ARID4B: variants seen among roughly 807,000 people sequenced by gnomAD.
ARID4B encodes AT-rich interactive domain-containing protein 4B.
ARID4B carries 26 observed loss-of-function variants against 147.5 expected under a neutral mutation model. The ratio of observed to expected loss-of-function variants is 0.18; its 90% CI spans 0.13 to 0.24. The LOEUF is 0.24. Among genes scored for constraint, ARID4B ranks in the 10% least tolerant of loss-of-function variants. The pLI is 1.00. For synonymous variants in ARID4B, 512 were observed against 507.9 expected (o/e 1.01, Z -0.11); for missense variants, 1,179 against 1,511.5 (o/e 0.78, Z 3.65).
chr1:235,232,868 G>A (rs1479119344), intron 9 of ARID4B, among the ~76,000 whole-genome samples: 1 of 151,516 alleles, frequency 6.6e-6, no homozygotes, highest in Non-Finnish European at 1.5e-5. Flanking sequence ...ATGGAATCTT[G>A]TTGTTGTCAC....
chr1:235,195,343 G>A (rs542583007), intron 18 of ARID4B, among the ~76,000 whole-genome samples: 9 of 152,082 alleles, frequency 5.9e-5, no homozygotes, highest in East Asian at 1.9e-4. Context: ...CTATAATCCC[G>A]GCATTTTGGG....
chr1:235,250,178 C>G (rs1036778965), intron 6 of ARID4B, among the ~76,000 whole-genome samples: 2 of 151,936 alleles, frequency 1.3e-5, no homozygotes, highest in Non-Finnish European at 2.9e-5. Flanking sequence ...TGATCTCTTT[C>G]CATGAAAATC....
At chr1:235,290,694 C>A (rs1277980993) in intron 2 of ARID4B, among the ~76,000 whole-genome samples, 5 of 152,206 alleles carry the variant, frequency 3.3e-5, no homozygotes, top group Admixed American at 2.6e-4. Context: ...TTGTTTGCAG[C>A]TGGACATGGG....
At chr1:235,170,849 T>G (rs1313478790) in intron 23 of ARID4B, among the ~76,000 whole-genome samples, 2 of 148,720 alleles carry the variant, frequency 1.3e-5, no homozygotes, top group Non-Finnish European at 3.0e-5. Context: ...AAGGCAGAGG[T>G]TGCAGTGAGC....
At chr1:235,305,362 G>A (rs946933668) in intron 2 of ARID4B, among the ~76,000 whole-genome samples, 10 of 152,092 alleles carry the variant, frequency 6.6e-5, no homozygotes, top group African/African-American at 1.7e-4. Context: ...CCTCCCTCTC[G>A]ATACACACAT....
chr1:235,196,903 C>A (rs1017778635), intron 17 of ARID4B, among the ~76,000 whole-genome samples: 1 of 133,370 alleles, frequency 7.5e-6, no homozygotes, highest in Non-Finnish European at 1.6e-5. Context: ...CATATTGTAA[C>A]GTATGGATAA....
intron 19 of ARID4B, among the ~76,000 whole-genome samples, chr1:235,188,005 AAGT>A (rs1374052480): frequency 6.6e-6 from 1 of 152,086 alleles, no homozygotes; most frequent in Non-Finnish European, 1.5e-5. Context: ...TTATACCACT[AAGT>A]AGGGGAAAAA....
At chr1:235,301,216 A>G (rs1369762854) in intron 2 of ARID4B, among the ~76,000 whole-genome samples, 1 of 151,564 alleles carries the variant, frequency 6.6e-6, no homozygotes. Flanking sequence ...AAATTTTATT[A>G]AATCTAAATA....
At chr1:235,194,717 G>A (rs1433092409) in intron 18 of ARID4B, among the ~76,000 whole-genome samples, 8 of 152,166 alleles carry the variant, frequency 5.3e-5, no homozygotes, top group African/African-American at 1.7e-4. Context: ...TACTCGGGAG[G>A]CTGAGGCAGG....
At chr1:235,224,099 G>A (rs1234276239) in intron 12 of ARID4B, among the ~76,000 whole-genome samples, 3 of 152,074 alleles carry the variant, frequency 2.0e-5, no homozygotes, top group African/African-American at 4.8e-5. Context: ...TTTAGAAAAC[G>A]TTCAATTCCC....
chr1:235,249,144 C>T (rs1288112543), intron 6 of ARID4B, among the ~76,000 whole-genome samples: 2 of 151,600 alleles, frequency 1.3e-5, no homozygotes, highest in South Asian at 2.1e-4. Flanking sequence ...ACCAGCCTGG[C>T]CAACATGGCG....
intron 2 of ARID4B, among the ~76,000 whole-genome samples, chr1:235,311,918 T>C (rs1018190769): frequency 2.0e-5 from 3 of 152,172 alleles, no homozygotes; most frequent in African/African-American, 7.2e-5. Flanking sequence ...ACATGTTGAA[T>C]GCAAATAAAA....
intron 17 of ARID4B, among the ~76,000 whole-genome samples, chr1:235,207,052 G>C (rs969439868): frequency 6.6e-6 from 1 of 152,212 alleles, no homozygotes; most frequent in African/African-American, 2.4e-5. Context: ...TCAGACAGTA[G>C]CATGACTGTA....
At chr1:235,197,240 A>G (rs1220149861) in intron 17 of ARID4B, among the ~76,000 whole-genome samples, 1 of 152,236 alleles carries the variant, frequency 6.6e-6, no homozygotes, top group Non-Finnish European at 1.5e-5. Context: ...AGTTATATAC[A>G]TTACTCATAG....
At chr1:235,231,589 C>T (rs1167259507) in intron 9 of ARID4B, among the ~76,000 whole-genome samples, 1 of 152,156 alleles carries the variant, frequency 6.6e-6, no homozygotes, top group Non-Finnish European at 1.5e-5. Flanking sequence ...CAGGCTCAAG[C>T]GATTCTTCTG....
intron 6 of ARID4B, among the ~76,000 whole-genome samples, chr1:235,250,053 G>A (rs1466001305): frequency 6.6e-6 from 1 of 151,930 alleles, no homozygotes; most frequent in Non-Finnish European, 1.5e-5. Flanking sequence ...CTTGCAGTGA[G>A]CCGAGATCGC....
chr1:235,273,188 C>T (rs1671101556), intron 2 of ARID4B, among the ~76,000 whole-genome samples: 1 of 152,118 alleles, frequency 6.6e-6, no homozygotes, highest in Non-Finnish European at 1.5e-5. Context: ...CAGGCGTGCA[C>T]CACCCCACCC....
chr1:235,212,419 A>G (rs1666774832), intron 17 of ARID4B, among the ~76,000 whole-genome samples: 1 of 152,244 alleles, frequency 6.6e-6, no homozygotes, highest in African/African-American at 2.4e-5. Flanking sequence ...CTGATTAGAC[A>G]TAATAAAGAA....
chr1:235,323,018 C>T lies in ARID4B; in HGVS notation c.6+3896G>A, dbSNP rs78664150. 9.3e-4 allele frequency among the ~76,000 whole-genome samples: 140 copies of T among 150,316 alleles called. 3 individuals carry two copies. The East Asian group carries it at 0.025, about 27-fold the overall frequency. On this transcript the variant is annotated intron_variant, in intron 2 of 23. Coordinates refer to ENST00000264183, the MANE Select transcript of ARID4B (RefSeq NM_016374.6). The stretch of plus-strand genomic sequence containing the variant: ...AAGTACATCTGGAAAATTCAATCTA[C>T]GTGGATTCTAAATATAACCACCTTT...
Sources: gnomAD v4.1 joint callset for allele counts (sites outside exome capture counted in the v4.1 genomes callset) on GRCh38, gnomAD v4.1.1 for gene constraint, MANE v1.5 for transcripts, NCBI Gene and HGNC (gene_info 2026-07-23, HGNC 2026-07-21) for gene names.